SGCZ: variants seen among roughly 807,000 people sequenced by gnomAD.
SGCZ encodes the protein zeta-sarcoglycan.
A neutral mutation model predicts 41.3 loss-of-function variants in SGCZ; 40 were observed. That is an observed-to-expected ratio of 0.97 (90% CI 0.75 to 1.26). The LOEUF (loss-of-function observed/expected upper bound fraction) is 1.26, where lower values mean the gene tolerates loss of function less well. Among genes scored for constraint, SGCZ ranks in the 50% most tolerant of loss-of-function variants. SGCZ has a pLI of 0.00. For synonymous variants in SGCZ, 206 were observed against 137.5 expected (o/e 1.50, Z -3.49); for missense variants, 552 against 369.8 (o/e 1.49, Z -4.04).
chr8:14,396,603 G>A (rs937807306), intron 2 of SGCZ, among the ~76,000 whole-genome samples: 2 of 151,946 alleles, frequency 1.3e-5, no homozygotes, highest in African/African-American at 4.8e-5. Flanking sequence ...AGATAGACAA[G>A]GCCACCCATT....
At chr8:14,231,090 C>G (rs1806550032) in intron 4 of SGCZ, among the ~76,000 whole-genome samples, 1 of 150,190 alleles carries the variant, frequency 6.7e-6, no homozygotes, top group South Asian at 2.1e-4. Flanking sequence ...ACTGGGAAAT[C>G]TTTTTTCTAA....
chr8:14,288,632 G>C (rs1800728650), intron 3 of SGCZ, among the ~76,000 whole-genome samples: 1 of 152,046 alleles, frequency 6.6e-6, no homozygotes, highest in African/African-American at 2.4e-5. Context: ...TCCTTTCATA[G>C]CTTAATAATA....
chr8:14,740,928 G>C (rs1245076491), intron 1 of SGCZ, among the ~76,000 whole-genome samples: 1 of 151,922 alleles, frequency 6.6e-6, no homozygotes, highest in Admixed American at 6.6e-5. Flanking sequence ...GATAACTCAG[G>C]ATAAAGAAAG....
intron 5 of SGCZ, among the ~76,000 whole-genome samples, chr8:14,160,948 T>C (rs1019225096): frequency 2.0e-5 from 3 of 152,178 alleles, no homozygotes; most frequent in Non-Finnish European, 4.4e-5. Flanking sequence ...GCTCAAAAAA[T>C]ATAAAGCTGC....
At chr8:14,900,856 A>G (rs568535845) in intron 1 of SGCZ, among the ~76,000 whole-genome samples, 2 of 152,332 alleles carry the variant, frequency 1.3e-5, no homozygotes, top group African/African-American at 4.8e-5. Flanking sequence ...ATATTGGCCT[A>G]CTATAGAAAT....
At chr8:14,104,711 T>A (rs1802147822) in intron 6 of SGCZ, among the ~76,000 whole-genome samples, 1 of 151,976 alleles carries the variant, frequency 6.6e-6, no homozygotes, top group African/African-American at 2.4e-5. Context: ...CTTAATAGAG[T>A]TTTTTTCCTT....
At chr8:14,363,918 T>C (rs1394409566) in intron 2 of SGCZ, among the ~76,000 whole-genome samples, 2 of 152,204 alleles carry the variant, frequency 1.3e-5, no homozygotes, top group African/African-American at 4.8e-5. Flanking sequence ...ATATCACTGT[T>C]TCCTCCTTTG....
chr8:14,503,304 G>T (rs1294627698), intron 2 of SGCZ, among the ~76,000 whole-genome samples: 1 of 152,040 alleles, frequency 6.6e-6, no homozygotes, highest in African/African-American at 2.4e-5. Flanking sequence ...CAGGGGATGG[G>T]GGGCAAGGGG....
At chr8:15,026,998 T>C (rs1040934008) in intron 1 of SGCZ, among the ~76,000 whole-genome samples, 1 of 152,306 alleles carries the variant, frequency 6.6e-6, no homozygotes, top group South Asian at 2.1e-4. Flanking sequence ...GTTCCACCAA[T>C]GACAGAATCA....
At chr8:14,124,318 G>A (rs1002100944) in intron 5 of SGCZ, among the ~76,000 whole-genome samples, 2 of 151,864 alleles carry the variant, frequency 1.3e-5, no homozygotes, top group Admixed American at 6.6e-5. Flanking sequence ...CCTTTACTGT[G>A]AAATGACAGA....
At chr8:14,701,141 A>G (rs547320600) in intron 1 of SGCZ, among the ~76,000 whole-genome samples, 3 of 152,044 alleles carry the variant, frequency 2.0e-5, no homozygotes, top group East Asian at 3.9e-4. Context: ...ATCTTGTTGC[A>G]AAATAAAAGG....
At chr8:14,217,079 G>A (rs982192014) in intron 4 of SGCZ, among the ~76,000 whole-genome samples, 3 of 151,922 alleles carry the variant, frequency 2.0e-5, no homozygotes, top group Non-Finnish European at 4.4e-5. Context: ...CGAGGTCAGG[G>A]GATAGAGACC....
chr8:14,259,785 G>T (rs1028513574), intron 3 of SGCZ, among the ~76,000 whole-genome samples: 1 of 150,388 alleles, frequency 6.6e-6, no homozygotes, highest in Non-Finnish European at 1.5e-5. Flanking sequence ...GATTGACTTG[G>T]CGATGCGGGC....
chr8:14,472,651 A>T (rs952704458), intron 2 of SGCZ, among the ~76,000 whole-genome samples: 1 of 152,078 alleles, frequency 6.6e-6, no homozygotes, highest in African/African-American at 2.4e-5. Flanking sequence ...CTTCCATTCT[A>T]CTGGTCTCAA....
chr8:14,301,616 C>G (rs1302688271), intron 3 of SGCZ, among the ~76,000 whole-genome samples: 4 of 152,050 alleles, frequency 2.6e-5, no homozygotes, highest in Non-Finnish European at 5.9e-5. Context: ...AATAGAATAA[C>G]TGTACTTGCC....
At chr8:15,191,189 T>A (rs901032706) in intron 1 of SGCZ, among the ~76,000 whole-genome samples, 2 of 152,154 alleles carry the variant, frequency 1.3e-5, no homozygotes, top group African/African-American at 2.4e-5. Context: ...ATTACTGCCA[T>A]AATTTTCAAC....
intron 1 of SGCZ, among the ~76,000 whole-genome samples, chr8:15,217,440 C>A (rs1014370456): frequency 2.0e-5 from 3 of 149,810 alleles, no homozygotes; most frequent in African/African-American, 4.9e-5. Context: ...AAGAATTGAA[C>A]TAACAAAAAT....
intron 1 of SGCZ, among the ~76,000 whole-genome samples, chr8:15,043,061 G>C (rs2130980980): frequency 1.3e-5 from 2 of 152,232 alleles, no homozygotes; most frequent in South Asian, 4.1e-4. Context: ...CCACTGTCAT[G>C]GTAACACTCT....
intron 5 of SGCZ, among the ~76,000 whole-genome samples, chr8:14,151,627 A>G (rs1018090768): frequency 2.0e-5 from 3 of 152,112 alleles, no homozygotes; most frequent in Non-Finnish European, 2.9e-5. Context: ...AAATCAATAC[A>G]TAAAGACCCA....
Sources: allele counts gnomAD v4.1 joint callset (sites outside exome capture counted in the v4.1 genomes callset), GRCh38; gene constraint gnomAD v4.1.1; transcripts MANE v1.5; gene names NCBI Gene and HGNC (gene_info 2026-07-23, HGNC 2026-07-21).